Variants in C7orf78 observed in about 807,000 individuals in gnomAD.
C7orf78 encodes the protein putative uncharacterized protein C7orf78.
At chr7:12,528,152 C>G in the C7orf78 span, among the ~76,000 whole-genome samples, 1 of 149,394 alleles carries the variant, frequency 6.7e-6, no homozygotes, top group African/African-American at 2.5e-5. Context: ...ATGTGTCACT[C>G]ACTTTGGTAG....
the C7orf78 span, among the ~76,000 whole-genome samples, chr7:12,502,692 A>G: frequency 6.5e-3 from 990 of 152,110 alleles, 16 homozygotes; most frequent in African/African-American, 0.023. Context: ...TCAGGGATCT[A>G]GAACTGGAAA....
At chr7:12,522,991 C>G in the C7orf78 span, 1 of 397,924 alleles carries the variant, frequency 2.5e-6, no homozygotes, top group African/African-American at 2.1e-5. Context: ...GTGAAAATGC[C>G]CCCCACATAA....
the C7orf78 span, among the ~76,000 whole-genome samples, chr7:12,525,192 G>T: frequency 6.6e-6 from 1 of 151,920 alleles, no homozygotes; most frequent in Non-Finnish European, 1.5e-5. Context: ...TCACTGTTTT[G>T]TGCCACGTTT....
the C7orf78 span, among the ~76,000 whole-genome samples, chr7:12,534,509 C>A: frequency 5.8e-3 from 878 of 152,220 alleles, 9 homozygotes; most frequent in African/African-American, 0.02. Context: ...AAACTACAAA[C>A]TTCTGTTAAA....
the C7orf78 span, among the ~76,000 whole-genome samples, chr7:12,508,968 T>C: frequency 6.6e-6 from 1 of 152,212 alleles, no homozygotes. Flanking sequence ...TGTATAATTA[T>C]TTCATTATAC....
the C7orf78 span, among the ~76,000 whole-genome samples, chr7:12,489,749 G>C: frequency 2.6e-5 from 4 of 152,126 alleles, no homozygotes; most frequent in Non-Finnish European, 4.4e-5. Context: ...TGCTATGTAG[G>C]ACATAAAACT....
At chr7:12,506,178 T>A in the C7orf78 span, 1 of 152,210 alleles carries the variant, frequency 6.6e-6, no homozygotes, top group East Asian at 1.9e-4. Context: ...ATAGGAATGC[T>A]TTTACACTGT....
the C7orf78 span, chr7:12,523,574 T>A: frequency 5.1e-6 from 2 of 392,528 alleles, no homozygotes; most frequent in Admixed American, 4.4e-5. Flanking sequence ...TTTTTTCTCA[T>A]GGTACAATAC....
At chr7:12,507,126 C>G in the C7orf78 span, 3,956 of 208,084 alleles carry the variant, frequency 0.019, 63 homozygotes, top group Non-Finnish European at 0.024. Flanking sequence ...TGGTGAAACC[C>G]TGTCTCTACT....
the C7orf78 span, among the ~76,000 whole-genome samples, chr7:12,508,404 A>T: frequency 2.6e-5 from 4 of 152,058 alleles, no homozygotes; most frequent in African/African-American, 9.7e-5. Context: ...ATTGGAAAAA[A>T]AATCAGTCCA....
At chr7:12,526,553 A>G in the C7orf78 span, among the ~76,000 whole-genome samples, 1 of 152,170 alleles carries the variant, frequency 6.6e-6, no homozygotes, top group South Asian at 2.1e-4. Flanking sequence ...GATCACAGTT[A>G]CATTTTATTT....
At chr7:12,499,849 A>T in the C7orf78 span, among the ~76,000 whole-genome samples, 322 of 148,110 alleles carry the variant, frequency 2.2e-3, 1 homozygote, top group African/African-American at 7.5e-3. Flanking sequence ...TCCTCAACAA[A>T]TGTAAAAGAA....
At chr7:12,533,702 G>T in the C7orf78 span, among the ~76,000 whole-genome samples, 1 of 151,890 alleles carries the variant, frequency 6.6e-6, no homozygotes. Flanking sequence ...GTTTTTAGTA[G>T]AGACAAGGTT....
the C7orf78 span, among the ~76,000 whole-genome samples, chr7:12,504,218 CTCTT>C: frequency 6.6e-6 from 1 of 152,274 alleles, no homozygotes; most frequent in Admixed American, 6.5e-5. Context: ...TTCATGTGCT[CTCTT>C]TCTGTGTATT....
chr7:12,522,278 C>G, the C7orf78 span, among the ~76,000 whole-genome samples: 1 of 151,994 alleles, frequency 6.6e-6, no homozygotes, highest in Non-Finnish European at 1.5e-5. Context: ...ATTAGCCTTT[C>G]CAAGGAGATT....
the C7orf78 span, among the ~76,000 whole-genome samples, chr7:12,508,084 A>G: frequency 1.3e-5 from 2 of 152,232 alleles, no homozygotes; most frequent in East Asian, 1.9e-4. Context: ...TTATATGACA[A>G]CTATTAAAAG....
chr7:12,528,941 C>A, the C7orf78 span: 272,620 of 398,194 alleles, frequency 0.68, 94,462 homozygotes, highest in African/African-American at 0.84. Context: ...AAACAGAAGA[C>A]TAGTACAGAA....
At chr7:12,484,957 T>C in the C7orf78 span, among the ~76,000 whole-genome samples, 1 of 152,208 alleles carries the variant, frequency 6.6e-6, no homozygotes, top group Non-Finnish European at 1.5e-5. Flanking sequence ...AATTTATATT[T>C]TGCGTCTTTG....
chr7:12,517,605 C>T, the C7orf78 span, among the ~76,000 whole-genome samples: 2 of 152,156 alleles, frequency 1.3e-5, no homozygotes, highest in African/African-American at 4.8e-5. Flanking sequence ...TTTTGTCTGA[C>T]TGGGTTATTT....
Sources: allele counts gnomAD v4.1 joint callset (sites outside exome capture counted in the v4.1 genomes callset), GRCh38; gene constraint gnomAD v4.1.1; transcripts MANE v1.5; gene names NCBI Gene and HGNC (gene_info 2026-07-23, HGNC 2026-07-21).